Variants in AGMO observed in about 807,000 individuals in gnomAD.
The protein encoded by AGMO is glyceryl-ether monooxygenase.
In AGMO, 75 loss-of-function variants were observed where a neutral mutation model predicts 60.2. That is an observed-to-expected ratio of 1.25 (90% confidence interval 1.03 to 1.51). The LOEUF (loss-of-function observed/expected upper bound fraction) is 1.51. Ranked by LOEUF, AGMO falls within the 40% of genes most tolerant of loss-of-function variation. The pLI is 0.00. For missense variants in AGMO, 763 were observed against 525.5 expected (o/e 1.45, Z -4.42); for synonymous variants, 261 against 177.1 (o/e 1.47, Z -3.76).
intron 3 of AGMO, among the ~76,000 whole-genome samples, chr7:15,484,006 T>G (rs555460947): frequency 2.4e-4 from 36 of 152,304 alleles, no homozygotes; most frequent in African/African-American, 8.7e-4. Context: ...TATATATCTT[T>G]TTGTGCACAT....
intron 3 of AGMO, among the ~76,000 whole-genome samples, chr7:15,529,666 T>TCTGTATACAGAATATATATA (rs1784242477): frequency 8.1e-5 from 1 of 12,358 alleles, no homozygotes. Flanking sequence ...CTATATATAT[T>TCTGTATACAGAATATATATA]CTATATATAT....
At chr7:15,357,213 G>GTGTGTGTGTGTT (rs1010400132) in intron 12 of AGMO, among the ~76,000 whole-genome samples, 3 of 151,338 alleles carry the variant, frequency 2.0e-5, no homozygotes, top group African/African-American at 7.3e-5. Flanking sequence ...GTGTGTGTGT[G>GTGTGTGTGTGTT]TGTGTGTGTG....
intron 10 of AGMO, among the ~76,000 whole-genome samples, chr7:15,383,955 A>C (rs911579091): frequency 1.3e-5 from 2 of 151,354 alleles, no homozygotes; most frequent in African/African-American, 2.4e-5. Flanking sequence ...CGTTTGTTTG[A>C]GACTGAGTCT....
intron 3 of AGMO, among the ~76,000 whole-genome samples, chr7:15,509,864 C>A (rs1783624247): frequency 6.6e-6 from 1 of 152,094 alleles, no homozygotes; most frequent in Admixed American, 6.6e-5. Flanking sequence ...TGAGCTATCA[C>A]CTTACACTTG....
intron 3 of AGMO, among the ~76,000 whole-genome samples, chr7:15,436,951 A>G (rs1038914337): frequency 3.3e-5 from 5 of 152,172 alleles, no homozygotes; most frequent in African/African-American, 1.2e-4. Flanking sequence ...TAAGTTTTTA[A>G]GTTTAGATTG....
the AGMO span, among the ~76,000 whole-genome samples, chr7:15,181,422 G>C: frequency 2.6e-5 from 4 of 151,936 alleles, no homozygotes; most frequent in African/African-American, 9.7e-5. Context: ...TTCTTCACTG[G>C]ACCCAAACGA....
intron 3 of AGMO, among the ~76,000 whole-genome samples, chr7:15,513,419 T>A (rs10156154): frequency 0.014 from 2,061 of 152,280 alleles, 32 homozygotes; most frequent in African/African-American, 0.043. Flanking sequence ...ATTTCTTCTA[T>A]TTCCCCAGAA....
intron 1 of AGMO, among the ~76,000 whole-genome samples, chr7:15,560,508 A>T (rs1235245014): frequency 6.6e-6 from 1 of 152,186 alleles, no homozygotes; most frequent in African/African-American, 2.4e-5. Context: ...AAATGTAATC[A>T]TAGATATAAC....
At chr7:15,362,821 C>T (rs1258541529) in intron 12 of AGMO, among the ~76,000 whole-genome samples, 2 of 152,206 alleles carry the variant, frequency 1.3e-5, no homozygotes, top group African/African-American at 4.8e-5. Flanking sequence ...TAGCTCTTTA[C>T]ATTTTCCAAG....
the AGMO span, among the ~76,000 whole-genome samples, chr7:15,159,331 A>T: frequency 1.3e-5 from 2 of 152,212 alleles, no homozygotes; most frequent in African/African-American, 4.8e-5. Flanking sequence ...TTTTAGTCGG[A>T]TAAAAATCTT....
In AGMO at chr7:15,390,964, C is replaced by T. The variant is rs546443021; in HGVS notation, c.677-59G>A. On this transcript the variant is annotated intron_variant, in intron 6 of 12. Transcript: ENST00000342526. ...AAAAATAGTTATGCTTTTTGAGATACTTCCATCTTGTTTTTTAGAATATAT... is the reference window on the plus strand; with the variant it reads ...AAAAATAGTTATGCTTTTTGAGATATTTCCATCTTGTTTTTTAGAATATAT... The T allele has an allele frequency of 6.3e-4, 644 of 1,030,336 alleles. 4 individuals carry two copies. The highest frequency in any genetic ancestry group is 2.5e-4 in the Middle Eastern group (1 of 4,056). 63.8% of individuals were successfully genotyped at this position (1,030,336 alleles called of 1,614,324 possible).
chr7:15,547,628 C>T (rs936275209), intron 2 of AGMO, among the ~76,000 whole-genome samples: 3 of 152,246 alleles, frequency 2.0e-5, no homozygotes, highest in Non-Finnish European at 4.4e-5. Flanking sequence ...AAACGGCGCA[C>T]CACGAGATTA....
At chr7:15,313,210 C>G (rs1780819231) in intron 12 of AGMO, among the ~76,000 whole-genome samples, 2 of 152,140 alleles carry the variant, frequency 1.3e-5, no homozygotes, top group African/African-American at 4.8e-5. Context: ...TCTCACTGAT[C>G]CCCTGTAGTA....
intron 12 of AGMO, among the ~76,000 whole-genome samples, chr7:15,322,471 TATAAATATATATATAAATATATATAA>T (rs1781142549): frequency 9.3e-6 from 1 of 107,782 alleles, no homozygotes; most frequent in Admixed American, 1.3e-4. Context: ...TATATAAATA[TATAAATATATATATAAATATATATAA>T]ATATATAAAT....
chr7:15,220,821 T>TA (rs985633660), intron 12 of AGMO, among the ~76,000 whole-genome samples: 54 of 152,116 alleles, frequency 3.5e-4, no homozygotes, highest in Non-Finnish European at 6.2e-4. Flanking sequence ...GACACAGATC[T>TA]AAAAATCTGT....
intron 10 of AGMO, among the ~76,000 whole-genome samples, chr7:15,374,695 C>CAT (rs1408123083): frequency 6.6e-6 from 1 of 152,012 alleles, no homozygotes; most frequent in Non-Finnish European, 1.5e-5. Context: ...TGACATGATC[C>CAT]ATATTGCACC....
chr7:15,521,138 T>A (rs1359935000), intron 3 of AGMO, among the ~76,000 whole-genome samples: 3 of 152,034 alleles, frequency 2.0e-5, no homozygotes, highest in Non-Finnish European at 4.4e-5. Flanking sequence ...CTCCCAAGAC[T>A]AAACCAAGAA....
the AGMO span, among the ~76,000 whole-genome samples, chr7:15,147,144 G>A: frequency 6.6e-6 from 1 of 152,084 alleles, no homozygotes; most frequent in Non-Finnish European, 1.5e-5. Context: ...GTGGCTCATG[G>A]TTCAGGACCA....
chr7:15,312,751 T>A (rs114469475), intron 12 of AGMO, among the ~76,000 whole-genome samples: 185 of 151,424 alleles, frequency 1.2e-3, no homozygotes, highest in African/African-American at 3.9e-3. Flanking sequence ...GGCAATGATG[T>A]CTGCTCACTG....
Sources: allele counts gnomAD v4.1 joint callset (sites outside exome capture counted in the v4.1 genomes callset), GRCh38; gene constraint gnomAD v4.1.1; transcripts MANE v1.5; gene names NCBI Gene and HGNC (gene_info 2026-07-23, HGNC 2026-07-21).